The following NALCN variants were observed in gnomAD, a reference collection of about 807,000 sequenced individuals.
NALCN encodes sodium leak channel, non-selective, also known as sodium leak channel NALCN.
In NALCN, 111 loss-of-function variants were observed where a neutral mutation model predicts 225.3. The ratio of observed to expected loss-of-function variants is 0.49; its 90% CI spans 0.42 to 0.58. NALCN has a LOEUF of 0.58. NALCN is among the 20% of genes least tolerant of loss of function. NALCN has a pLI of 0.00. For synonymous variants in NALCN, 764 were observed against 769.0 expected (o/e 0.99, Z 0.11); for missense variants, 1,378 against 2,202.4 (o/e 0.63, Z 7.49).
intron 34 of NALCN, among the ~76,000 whole-genome samples, chr13:101,080,996 TAGA>T (rs2033618268): frequency 2.0e-5 from 3 of 152,034 alleles, no homozygotes; most frequent in Non-Finnish European, 4.4e-5. Context: ...AACACAGATA[TAGA>T]GATGGAGAAT....
At chr13:101,293,226 T>C (rs959915762) in intron 7 of NALCN, among the ~76,000 whole-genome samples, 4 of 152,192 alleles carry the variant, frequency 2.6e-5, no homozygotes, top group Non-Finnish European at 5.9e-5. Flanking sequence ...TCTTGCCTCT[T>C]TAATAGTCTT....
At chr13:101,173,092 C>T (rs552848435) in intron 15 of NALCN, among the ~76,000 whole-genome samples, 6 of 152,172 alleles carry the variant, frequency 3.9e-5, no homozygotes, top group East Asian at 1.9e-4. Context: ...TTTGCCATCG[C>T]GCAGCAAGAC....
intron 15 of NALCN, among the ~76,000 whole-genome samples, chr13:101,171,293 A>C (rs2038702810): frequency 6.7e-6 from 1 of 148,800 alleles, no homozygotes; most frequent in South Asian, 2.1e-4. Flanking sequence ...TATAAATATA[A>C]TCTTTATATT....
intron 7 of NALCN, among the ~76,000 whole-genome samples, chr13:101,315,435 C>T (rs990477316): frequency 6.6e-6 from 1 of 151,984 alleles, no homozygotes; most frequent in Non-Finnish European, 1.5e-5. Flanking sequence ...TTAATTTCAA[C>T]AAGATAGTTC....
Position 101,395,327 on chromosome 13 carries a change from G to A in NALCN, c.147C>T (p.Ser49=), listed in dbSNP as rs752651022. 8.1e-6 allele frequency: 13 copies of A among 1,614,024 alleles called. No homozygotes were observed. In the East Asian group the frequency reaches 2.7e-4, roughly 33 times the overall value. The change falls in exon 3 of 44, where the codon AGC becomes AGT. Residue 49 remains serine, a synonymous_variant. Transcript: ENST00000251127. The stretch of plus-strand genomic sequence containing the variant: ...GCGTATTCATACAAACAGAAATGAC[G>A]CTGATGATGGCACAGATGCGCAGCA... ...HSLLRICAII[S]VISVCMNTPM...
intron 17 of NALCN, among the ~76,000 whole-genome samples, chr13:101,138,244 TG>T (rs2036901537): frequency 1.3e-5 from 2 of 152,342 alleles, no homozygotes; most frequent in African/African-American, 4.8e-5. Flanking sequence ...GAATAGCAGA[TG>T]AATAACGGGT....
chr13:101,277,567 T>G (rs1279454599), intron 10 of NALCN, among the ~76,000 whole-genome samples: 1 of 152,186 alleles, frequency 6.6e-6, no homozygotes, highest in Non-Finnish European at 1.5e-5. Context: ...ATTTAACACA[T>G]CGGAATAACT....
rs776904666 is a variant in NALCN at position 101,104,282 on chromosome 13, A to C, written c.2889+13T>G. 1.3e-6 allele frequency: 2 copies of C among 1,581,624 alleles called. No individual in the cohort carries two copies. Among genetic ancestry groups the C allele is most frequent in the Admixed American group, 1.9e-5 (1 of 51,492 alleles). ...CATTACATTTTTCATTTAGGCAATA[A>C]GCAAAGACTTACAAGATATATAAAT... On this transcript the variant is annotated intron_variant, in intron 25 of 43. Coordinates refer to ENST00000251127, the MANE Select transcript of NALCN (RefSeq NM_052867.4). This position sits in a 1 kb window ranked among gnomAD's most constrained non-coding sequence, Gnocchi z 4.2.
chr13:101,303,050 A>G (rs2044028686), intron 7 of NALCN, among the ~76,000 whole-genome samples: 1 of 152,154 alleles, frequency 6.6e-6, no homozygotes, highest in African/African-American at 2.4e-5. Flanking sequence ...CAGAGGTGAG[A>G]GAAGAATATG....
chr13:101,154,429 T>G (rs2037805163), intron 15 of NALCN, among the ~76,000 whole-genome samples: 2 of 152,236 alleles, frequency 1.3e-5, no homozygotes, highest in African/African-American at 4.8e-5. Context: ...TAAGAAAATT[T>G]TATGCATCAT....
intron 7 of NALCN, among the ~76,000 whole-genome samples, chr13:101,303,621 G>A (rs1556566): frequency 0.06 from 9,184 of 152,176 alleles, 428 homozygotes; most frequent in East Asian, 0.23. Context: ...GTCATTCACG[G>A]AATATGGTTC....
chr13:101,083,583 GT>G (rs1409191165), intron 31 of NALCN, 127 bp downstream of exon 31: 3 of 848,448 alleles, frequency 3.5e-6, no homozygotes, highest in African/African-American at 1.7e-5. Context: ...TTTGGAGCCT[GT>G]TTCTGTATTA....
At chr13:101,241,550 C>A (rs2041759186) in intron 11 of NALCN, among the ~76,000 whole-genome samples, 1 of 152,088 alleles carries the variant, frequency 6.6e-6, no homozygotes, top group Non-Finnish European at 1.5e-5. Flanking sequence ...TCAAGTGATT[C>A]TCCTGCCTCA....
At chr13:101,387,454 T>C (rs923245188) in intron 3 of NALCN, among the ~76,000 whole-genome samples, 10 of 152,086 alleles carry the variant, frequency 6.6e-5, no homozygotes, top group African/African-American at 2.4e-4. Flanking sequence ...GAAAACTTAC[T>C]ATGAAAAGTG....
chr13:101,129,936 T>C (rs2036435445), intron 17 of NALCN, among the ~76,000 whole-genome samples: 1 of 151,912 alleles, frequency 6.6e-6, no homozygotes, highest in Non-Finnish European at 1.5e-5. Context: ...GTTCTCATTG[T>C]TCAATTCCTA....
At chr13:101,404,339 C>T (rs1429316782) in intron 1 of NALCN, among the ~76,000 whole-genome samples, 1 of 152,200 alleles carries the variant, frequency 6.6e-6, no homozygotes, top group Non-Finnish European at 1.5e-5. Context: ...ATCTCAAATA[C>T]TTAAACCTTA....
intron 11 of NALCN, among the ~76,000 whole-genome samples, chr13:101,255,839 A>G (rs56297768): frequency 0.036 from 5,461 of 152,286 alleles, 309 homozygotes; most frequent in African/African-American, 0.12. Context: ...TAGAACATGT[A>G]GACGAGGAAG....
At chr13:101,336,100 T>C (rs1273121342) in intron 7 of NALCN, among the ~76,000 whole-genome samples, 1 of 152,094 alleles carries the variant, frequency 6.6e-6, no homozygotes, top group East Asian at 1.9e-4. Context: ...TATTTCAAAG[T>C]CAAGCAAATC....
rs2044619088 is a variant in NALCN, at chr13:101,318,116, C to T, written c.800-25750G>A. Among the ~76,000 whole-genome samples, 5 of 152,206 alleles carry T rather than the reference C, an allele frequency of 3.3e-5. No individual in the cohort carries two copies. The South Asian group carries it at 1.0e-3, about 32-fold the overall frequency. On this transcript the variant is annotated intron_variant, in intron 7 of 43. Transcript: ENST00000251127. ...AATCCTTAGGGTGTCACTTCACCAG[C>T]CGGAAACCTCTGTAGCCAGTGGCAC...
Sources: allele counts gnomAD v4.1 joint callset (sites outside exome capture counted in the v4.1 genomes callset), GRCh38; gene constraint gnomAD v4.1.1; non-coding constraint Gnocchi (gnomAD v3.1); transcripts MANE v1.5; gene names NCBI Gene and HGNC (gene_info 2026-07-23, HGNC 2026-07-21).